RANBP2: variants seen among roughly 807,000 people sequenced by gnomAD.
The protein encoded by RANBP2 is E3 SUMO-protein ligase RanBP2.
RANBP2 carries 57 observed loss-of-function variants against 303.6 expected under a neutral mutation model. The observed-to-expected ratio is 0.19, with a 90% CI of 0.15 to 0.23. The LOEUF (loss-of-function observed/expected upper bound fraction) is 0.23, where lower values mean the gene tolerates loss of function less well. RANBP2 is among the 10% of genes least tolerant of loss of function. The pLI is 1.00. For missense variants in RANBP2, 3,138 were observed against 3,780.8 expected (o/e 0.83, Z 4.46); for synonymous variants, 1,167 against 1,301.5 (o/e 0.90, Z 2.23).
the RANBP2 span, among the ~76,000 whole-genome samples, chr2:108,837,501 G>GA: frequency 6.6e-6 from 1 of 151,852 alleles, no homozygotes; most frequent in Non-Finnish European, 1.5e-5. Context: ...ATGGAGCAAA[G>GA]AAAAAAAGAA....
the RANBP2 span, among the ~76,000 whole-genome samples, chr2:108,898,213 C>T: frequency 6.6e-6 from 1 of 152,136 alleles, no homozygotes; most frequent in Admixed American, 6.5e-5. Flanking sequence ...CCACCCTCAC[C>T]AGGCTGTAAC....
chr2:109,297,944 C>G, the RANBP2 span, among the ~76,000 whole-genome samples: 1 of 152,090 alleles, frequency 6.6e-6, no homozygotes, highest in Non-Finnish European at 1.5e-5. Context: ...CCCCCCACCA[C>G]CAGACTAGTG....
chr2:109,476,080 G>T, the RANBP2 span, among the ~76,000 whole-genome samples: 2 of 152,190 alleles, frequency 1.3e-5, no homozygotes, highest in Non-Finnish European at 2.9e-5. Context: ...TTAGAAACTT[G>T]TAAGAGGGCA....
the RANBP2 span, among the ~76,000 whole-genome samples, chr2:108,890,778 T>A: frequency 6.6e-6 from 1 of 152,214 alleles, no homozygotes; most frequent in Non-Finnish European, 1.5e-5. Context: ...TCTGTCTCTT[T>A]ACTCTCAGGG....
At chr2:108,929,435 G>T in the RANBP2 span, 1 of 1,575,568 alleles carries the variant, frequency 6.3e-7, no homozygotes, top group Non-Finnish European at 8.7e-7. Context: ...AAACCATACG[G>T]ACTCGGCCCA....
the RANBP2 span, among the ~76,000 whole-genome samples, chr2:109,467,088 C>G: frequency 6.6e-6 from 1 of 152,234 alleles, no homozygotes; most frequent in Non-Finnish European, 1.5e-5. Flanking sequence ...GAAAATGGTT[C>G]AGCAATTTTT....
the RANBP2 span, among the ~76,000 whole-genome samples, chr2:109,420,549 A>T: frequency 5.9e-5 from 9 of 152,038 alleles, no homozygotes; most frequent in Non-Finnish European, 1.3e-4. Flanking sequence ...AGGTTCACGC[A>T]ATTCTCCTGC....
At chr2:109,587,670 T>C in the RANBP2 span, among the ~76,000 whole-genome samples, 2 of 152,040 alleles carry the variant, frequency 1.3e-5, no homozygotes, top group Admixed American at 6.5e-5. Flanking sequence ...TCCCAGCACT[T>C]TGGGAGGCCG....
At chr2:109,260,015 C>G in the RANBP2 span, among the ~76,000 whole-genome samples, 2 of 152,140 alleles carry the variant, frequency 1.3e-5, no homozygotes, top group African/African-American at 4.8e-5. Flanking sequence ...GATATCTTTT[C>G]CAAGTAGTAA....
the RANBP2 span, chr2:109,251,421 C>T: frequency 1.4e-6 from 1 of 705,604 alleles, no homozygotes; most frequent in South Asian, 1.4e-5. Flanking sequence ...GAGTAGACAC[C>T]ATGAGCAAAG....
At chr2:108,853,636 C>T in the RANBP2 span, among the ~76,000 whole-genome samples, 4 of 150,002 alleles carry the variant, frequency 2.7e-5, no homozygotes, top group Admixed American at 1.3e-4. Context: ...AAGCAGTCCT[C>T]TTGCCTCAGG....
chr2:109,408,248 G>A, the RANBP2 span, among the ~76,000 whole-genome samples: 10 of 152,182 alleles, frequency 6.6e-5, no homozygotes, highest in African/African-American at 2.4e-4. Context: ...TGGAAAGGAG[G>A]AAGGGCCTCG....
At chr2:108,862,322 G>A in the RANBP2 span, among the ~76,000 whole-genome samples, 2 of 152,146 alleles carry the variant, frequency 1.3e-5, no homozygotes, top group African/African-American at 4.8e-5. Context: ...ATGTTTCAAA[G>A]CATTGTGTTT....
the RANBP2 span, among the ~76,000 whole-genome samples, chr2:109,453,066 A>G: frequency 6.6e-6 from 1 of 152,010 alleles, no homozygotes; most frequent in Non-Finnish European, 1.5e-5. Context: ...TGGGCCTTTG[A>G]GCTCTGTTCC....
the RANBP2 span, among the ~76,000 whole-genome samples, chr2:109,497,626 CTG>C: frequency 9.9e-5 from 15 of 152,276 alleles, no homozygotes; most frequent in African/African-American, 3.6e-4. Context: ...CAACGGCGCT[CTG>C]TGTCTATAAC....
the RANBP2 span, among the ~76,000 whole-genome samples, chr2:109,356,560 T>C: frequency 6.6e-6 from 1 of 152,288 alleles, no homozygotes; most frequent in African/African-American, 2.4e-5. Context: ...GGCCCCCTCC[T>C]CCTCCTTGGG....
the RANBP2 span, among the ~76,000 whole-genome samples, chr2:109,359,136 A>G: frequency 1.3e-5 from 2 of 152,090 alleles, no homozygotes; most frequent in African/African-American, 2.4e-5. Flanking sequence ...CCATTGATCT[A>G]GTTGTCTATT....
chr2:109,087,598 C>A, the RANBP2 span, among the ~76,000 whole-genome samples: 1 of 152,180 alleles, frequency 6.6e-6, no homozygotes, highest in Non-Finnish European at 1.5e-5. Context: ...GGGTTCAAGT[C>A]CTCCTGCTAA....
chr2:108,805,160 A>G, the RANBP2 span: 1,283 of 401,904 alleles, frequency 3.2e-3, 3 homozygotes, highest in Non-Finnish European at 4.6e-3. Context: ...CCAAATGTAA[A>G]TAAAGTATTC....
Sources: allele counts gnomAD v4.1 joint callset (sites outside exome capture counted in the v4.1 genomes callset), GRCh38; gene constraint gnomAD v4.1.1; transcripts MANE v1.5; gene names NCBI Gene and HGNC (gene_info 2026-07-23, HGNC 2026-07-21).